Variants in STKLD1 observed in about 807,000 individuals in gnomAD.
The protein encoded by STKLD1 is serine/threonine kinase-like domain-containing protein STKLD1.
A neutral mutation model predicts 80.4 loss-of-function variants in STKLD1; 79 were observed. That is an observed-to-expected ratio of 0.98 (90% CI 0.82 to 1.19). The LOEUF (loss-of-function observed/expected upper bound fraction) is 1.19, where lower values mean the gene tolerates loss of function less well. Among genes scored for constraint, STKLD1 ranks in the 50% most tolerant of loss-of-function variants. The pLI is 0.00. For missense variants in STKLD1, 841 were observed against 856.0 expected (o/e 0.98, Z 0.22); for synonymous variants, 393 against 357.6 (o/e 1.10, Z -1.12).
At chr9:133,396,544 A>C (rs1371863858) in intron 9 of STKLD1, among the ~76,000 whole-genome samples, 1 of 152,160 alleles carries the variant, frequency 6.6e-6, no homozygotes, top group Non-Finnish European at 1.5e-5. Context: ...ACTTGAAGTC[A>C]GGTGTTCGAG....
At chr9:133,388,189 C>T (rs945427277) in intron 5 of STKLD1, among the ~76,000 whole-genome samples, 1 of 152,218 alleles carries the variant, frequency 6.6e-6, no homozygotes, top group African/African-American at 2.4e-5. Context: ...CATGTTTACT[C>T]TCACAAGTTG....
intron 12 of STKLD1, among the ~76,000 whole-genome samples, 160 bp downstream of exon 12, chr9:133,400,689 G>A (rs1554777484): frequency 6.6e-6 from 1 of 152,246 alleles, no homozygotes; most frequent in Non-Finnish European, 1.5e-5. Context: ...AGGCCAAGGT[G>A]GATGCCAGGG....
Position 133,394,243 on chromosome 9 carries a change from C to T in STKLD1, c.584-48C>T, listed in dbSNP as rs782728380. Reference sequence around the variant, plus strand: ...CAGGGTGACTCTGTCAAGCCCCTGCCCCCAGGGAGCAAAGGACTCAGGGAT... The same window carrying T: ...CAGGGTGACTCTGTCAAGCCCCTGCTCCCAGGGAGCAAAGGACTCAGGGAT... On this transcript the variant is annotated intron_variant, in intron 7 of 17. Coordinates refer to ENST00000371957, the MANE Select transcript of STKLD1 (RefSeq NM_153710.5). This position sits in a 1 kb window ranked among gnomAD's most constrained non-coding sequence, Gnocchi z 4.9. The T allele has an allele frequency of 7.6e-6, 10 of 1,323,002 alleles. No homozygotes were observed. Among genetic ancestry groups the T allele is most frequent in the Admixed American group, 1.7e-5 (1 of 59,578 alleles). The allele number at this position is 1,323,002 out of a possible 1,614,324, so 82.0% of individuals were successfully genotyped here.
At chr9:133,402,598 G>A (rs1293193332) in intron 13 of STKLD1, among the ~76,000 whole-genome samples, 1 of 152,248 alleles carries the variant, frequency 6.6e-6, no homozygotes, top group African/African-American at 2.4e-5. Flanking sequence ...GTGAGCCCAG[G>A]AGGCAGGGTC....
chr9:133,387,434 C>T lies in STKLD1; in HGVS notation c.295-13C>T. On this transcript the variant is annotated splice_polypyrimidine_tract_variant and intron_variant, in intron 4 of 17. Transcript: ENST00000371957. Reference sequence around the variant, plus strand: ...CTGGGCGTCCTTTGGCTAAGGGCCTCCTGTCCCAGCAGATCTCTTCTCTGT... The same window carrying T: ...CTGGGCGTCCTTTGGCTAAGGGCCTTCTGTCCCAGCAGATCTCTTCTCTGT... The T allele has an allele frequency of 6.2e-7, 1 of 1,612,094 alleles. No homozygotes were observed. The highest frequency in any genetic ancestry group is 1.1e-5 in the South Asian group (1 of 91,030).
At chr9:133,379,213 C>A in intron 2 of STKLD1, 91 bp downstream of exon 2, 1 of 1,111,550 alleles carries the variant, frequency 9.0e-7, no homozygotes, top group Non-Finnish European at 1.3e-6. Flanking sequence ...GAGAAGCTTC[C>A]TGATGCGGCA....
Position 133,403,811 on chromosome 9 carries a change from G to A in STKLD1, c.1586G>A (p.Trp529Ter). 6.2e-7 allele frequency: 1 copy of A among 1,613,614 alleles called. No homozygotes were observed. The highest frequency in any genetic ancestry group is 8.5e-7 in the Non-Finnish European group (1 of 1,179,970). The change falls in exon 15 of 18, where the codon TGG becomes TAG. Residue 529 changes from tryptophan (W) to a stop codon, truncating the protein, a stop_gained. Coordinates refer to ENST00000371957, the MANE Select transcript of STKLD1 (RefSeq NM_153710.5). LOFTEE classifies it high-confidence loss of function. Reference protein sequence around the residue: ...EMAEASCGVFWLLSLLGCIKE... With the variant: ...EMAEASCGVF ...GCAGAAGCCAGCTGCGGAGTCTTCT[G>A]GCTGCTGTCCCTGCTGGGTGAGCTG...
Position 133,389,198 on chromosome 9 carries a change from T to C in STKLD1, c.397-328T>C. ...CTCTCCCATACCCGCAAGGCCGATC[T>C]GCCTTCAGCTCCCAGCAAGTGTGGG... On this transcript the variant is annotated intron_variant, in intron 5 of 17. Transcript: ENST00000371957. The surrounding 1 kb of genome is among the most constrained non-coding windows in gnomAD (Gnocchi z 6.4). The C allele has an allele frequency of 1.0e-6, 1 of 985,416 alleles. No individual in the cohort carries two copies. Among genetic ancestry groups the C allele is most frequent in the Non-Finnish European group, 1.2e-6 (1 of 829,914 alleles). The allele number at this position is 985,416 out of a possible 1,614,324, so 61.0% of individuals were successfully genotyped here. A position where few individuals can be genotyped will look rare whatever the true frequency, so the allele number is the denominator to read the frequency against.
At chr9:133,391,302 C>T (rs2130289252) in intron 7 of STKLD1, among the ~76,000 whole-genome samples, 7 of 149,810 alleles carry the variant, frequency 4.7e-5, no homozygotes, top group South Asian at 2.1e-4. Flanking sequence ...CGCCTCTGCC[C>T]GGCCGCCCCT....
At chr9:133,393,575 A>T (rs71483207) in intron 7 of STKLD1, among the ~76,000 whole-genome samples, 1 of 121,766 alleles carries the variant, frequency 8.2e-6, no homozygotes, top group Non-Finnish European at 1.7e-5. Context: ...ATGGGTGGGT[A>T]TGTGGATGGA....
chr9:133,377,127 G>A (rs915662546), intron 1 of STKLD1, among the ~76,000 whole-genome samples: 2 of 152,188 alleles, frequency 1.3e-5, no homozygotes, highest in Non-Finnish European at 2.9e-5. Flanking sequence ...TGGAAGAATT[G>A]TCTTTGTGTG....
In STKLD1 at chr9:133,394,045, G is replaced by A. The variant is rs1838492965; in HGVS notation, c.584-246G>A. 2 of 514,154 alleles carry A rather than the reference G, an allele frequency of 3.9e-6. No individual in the cohort carries two copies. The highest frequency in any genetic ancestry group is 7.0e-6 in the Non-Finnish European group (2 of 284,766). The allele number at this position is 514,154 out of a possible 1,614,324, so 31.8% of individuals were successfully genotyped here. On this transcript the variant is annotated intron_variant, in intron 7 of 17. Coordinates refer to ENST00000371957, the MANE Select transcript of STKLD1 (RefSeq NM_153710.5). The surrounding 1 kb of genome is among the most constrained non-coding windows in gnomAD (Gnocchi z 4.9). ...ACCACCTATATGGGCCAGCCTGGTGGGCACCCACCAAGATGGACAGCTTCA... is the reference window on the plus strand; with the variant it reads ...ACCACCTATATGGGCCAGCCTGGTGAGCACCCACCAAGATGGACAGCTTCA...
chr9:133,387,781 A>G (rs1322250127), intron 5 of STKLD1: 1 of 642,780 alleles, frequency 1.6e-6, no homozygotes, highest in African/African-American at 1.8e-5. Context: ...CGTTCCTAAC[A>G]CTAGAAGGTT....
chr9:133,392,376 C>G (rs866073315), intron 7 of STKLD1, among the ~76,000 whole-genome samples: 3 of 151,856 alleles, frequency 2.0e-5, no homozygotes, highest in Non-Finnish European at 4.4e-5. Context: ...CACACTCAGT[C>G]CTTGGTAGAC....
chr9:133,403,563 C>CT (rs1838763566), intron 14 of STKLD1, 137 bp from the exon 15 acceptor site: 1 of 1,135,160 alleles, frequency 8.8e-7, no homozygotes, highest in African/African-American at 1.6e-5. Context: ...GCACCCGTCT[C>CT]TGAGGACAGT....
At chr9:133,378,995 T>A (rs1838070491) in intron 1 of STKLD1, 41 bp from the exon 2 acceptor site, 1 of 1,576,686 alleles carries the variant, frequency 6.3e-7, no homozygotes, top group African/African-American at 1.4e-5. Flanking sequence ...AGGGAAAAGT[T>A]GTGTGCATTT....
In STKLD1 at chr9:133,384,087, A is replaced by G. The variant is rs1037474080; in HGVS notation, c.219+187A>G. 1 of 600,078 alleles carries G rather than the reference A, an allele frequency of 1.7e-6. No individual in the cohort carries two copies. Among genetic ancestry groups the G allele is most frequent in the Non-Finnish European group, 3.0e-6 (1 of 336,570 alleles). The allele number at this position is 600,078 out of a possible 1,614,324, so 37.2% of individuals were successfully genotyped here. ...CATGAAGGGAGTCCATGCCCCAAAC[A>G]CTCACTGCTAAATGCAGGTGCCGAC... On this transcript the variant is annotated intron_variant, in intron 3 of 17. Transcript: ENST00000371957. This position sits in a 1 kb window ranked among gnomAD's most constrained non-coding sequence, Gnocchi z 4.3.
At chr9:133,404,668 C>T in intron 16 of STKLD1, 121 bp from the exon 17 acceptor site, 1 of 1,398,764 alleles carries the variant, frequency 7.1e-7, no homozygotes, top group Non-Finnish European at 9.6e-7. Context: ...CCTCCTGGGT[C>T]CCGTCTCTTG....
chr9:133,380,639 C>T (rs2130264151), intron 2 of STKLD1, among the ~76,000 whole-genome samples: 7 of 151,684 alleles, frequency 4.6e-5, no homozygotes, highest in Admixed American at 1.3e-4. Flanking sequence ...GGTGACACAG[C>T]GAGACTCTGT....
Sources: allele counts gnomAD v4.1 joint callset (sites outside exome capture counted in the v4.1 genomes callset), GRCh38; gene constraint gnomAD v4.1.1; non-coding constraint Gnocchi (gnomAD v3.1); transcripts MANE v1.5; gene names NCBI Gene and HGNC (gene_info 2026-07-23, HGNC 2026-07-21).